DOCK11: variants seen among roughly 807,000 people sequenced by gnomAD.
DOCK11 encodes the protein dedicator of cytokinesis 11.
A neutral mutation model predicts 169.1 loss-of-function variants in DOCK11; 70 were observed. The observed-to-expected ratio is 0.41, with a 90% CI of 0.34 to 0.51. The LOEUF (loss-of-function observed/expected upper bound fraction) is 0.51. Ranked by LOEUF, DOCK11 falls within the 20% of genes least tolerant of loss-of-function variation. DOCK11 has a pLI of 0.10. For missense variants in DOCK11, 1,166 were observed against 1,538.8 expected, an observed-to-expected ratio of 0.76 and a Z score of 4.05; for synonymous variants, 529 against 541.3, an observed-to-expected ratio of 0.98 and a Z score of 0.32.
rs1030633826 is a variant in DOCK11 at position 118,595,113 on chromosome X, A to G, written c.2263+1776A>G. On this transcript the variant is annotated intron_variant, in intron 20 of 52. Coordinates refer to ENST00000276202, the MANE Select transcript of DOCK11 (RefSeq NM_144658.4). Reference sequence around the variant, plus strand: ...TAAACATTAGAGCAGTTTTTCAGGAAAACCAACCAGGCAGCAGTATAATGG... The same window carrying G: ...TAAACATTAGAGCAGTTTTTCAGGAGAACCAACCAGGCAGCAGTATAATGG... Among the ~76,000 whole-genome samples, 23 of 111,215 alleles carry G rather than the reference A, an allele frequency of 2.1e-4. No individual in the cohort carries two copies. In the Admixed American group the frequency reaches 2.1e-3, roughly 10 times the overall value.
chrX:118,515,422 G>A (rs993555639), intron 1 of DOCK11, among the ~76,000 whole-genome samples: 2 of 110,749 alleles, frequency 1.8e-5, no homozygotes, highest in East Asian at 2.9e-4. Context: ...TAGTAGAGAC[G>A]GGGTTTCTTC....
At chrX:118,539,199 T>A (rs2011869566) in intron 1 of DOCK11, among the ~76,000 whole-genome samples, 1 of 112,432 alleles carries the variant, frequency 8.9e-6, no homozygotes, top group Admixed American at 9.5e-5. Flanking sequence ...AAAGTGAAAC[T>A]TTGTTTTCTA....
intron 19 of DOCK11, among the ~76,000 whole-genome samples, chrX:118,592,807 T>C (rs1221816507): frequency 1.8e-5 from 2 of 112,635 alleles, no homozygotes; most frequent in Non-Finnish European, 3.8e-5. Context: ...AATTTTTTCA[T>C]GCAAAAGAGA....
At chrX:118,647,792 TTATAA>T (rs1319560708) in intron 40 of DOCK11, among the ~76,000 whole-genome samples, 3 of 27,853 alleles carry the variant, frequency 1.1e-4, no homozygotes, top group Non-Finnish European at 1.6e-4. Flanking sequence ...ATATAATATA[TTATAA>T]TATATAATAA....
At chrX:118,595,510 C>T (rs774961905) in intron 20 of DOCK11, among the ~76,000 whole-genome samples, 3 of 111,317 alleles carry the variant, frequency 2.7e-5, no homozygotes, top group Non-Finnish European at 5.7e-5. Flanking sequence ...TGTTCTTTAT[C>T]CCCATAGAAA....
At chrX:118,610,837 G>A (rs904445252) in intron 28 of DOCK11, among the ~76,000 whole-genome samples, 2 of 111,238 alleles carry the variant, frequency 1.8e-5, no homozygotes, top group African/African-American at 3.3e-5. Context: ...TCAGGAGTTC[G>A]AGACCAACCT....
At chrX:118,556,469 C>T (rs1228497296) in intron 6 of DOCK11, among the ~76,000 whole-genome samples, 1 of 108,852 alleles carries the variant, frequency 9.2e-6, no homozygotes, top group South Asian at 4.0e-4. Context: ...TGTCATCTGG[C>T]CAGGCACGGT....
intron 40 of DOCK11, among the ~76,000 whole-genome samples, chrX:118,648,229 AAT>A (rs752293918): frequency 1.2e-5 from 1 of 84,761 alleles, no homozygotes; most frequent in African/African-American, 4.4e-5. Flanking sequence ...ATAATAATAT[AAT>A]ATATATATAA....
At chrX:118,503,776 A>T (rs1294821) in intron 1 of DOCK11, among the ~76,000 whole-genome samples, 11,957 of 111,176 alleles carry the variant, frequency 0.11, 497 homozygotes, top group Non-Finnish European at 0.12. Context: ...ACAGAGATGA[A>T]ATTGTAGGCG....
chrX:118,589,180 T>C (rs955103632), intron 18 of DOCK11, among the ~76,000 whole-genome samples: 16 of 111,080 alleles, frequency 1.4e-4, no homozygotes, highest in African/African-American at 5.3e-4. Flanking sequence ...TGCCCCTGAC[T>C]AAGTAATTGA....
chrX:118,610,181 A>T, intron 27 of DOCK11, 91 bp from the exon 28 acceptor site: 1 of 912,089 alleles, frequency 1.1e-6, no homozygotes, highest in Non-Finnish European at 1.6e-6. Flanking sequence ...TTTAAGATAT[A>T]TTTATTTGTA....
Position 118,680,580 on chromosome X carries a change from G to T in DOCK11, c.5559G>T (p.Glu1853Asp). 4 of 1,210,792 alleles carry T rather than the reference G, an allele frequency of 3.3e-6. No individual in the cohort carries two copies. Among genetic ancestry groups the T allele is most frequent in the Non-Finnish European group, 4.5e-6 (4 of 894,725 alleles). ...AAGAACTCACAGAAAGGAAGACCGA[G>T]TTTGAAAGAAATCATAATATCAGCA... is the stretch of plus-strand genomic sequence containing the variant. ...DDKELTERKTEFERNHNISRF... is the reference protein window; with the variant it reads ...DDKELTERKTDFERNHNISRF... Residue 1853 changes from glutamate to aspartate, a missense_variant, in exon 49 of 53, where the codon GAG (glutamate) becomes GAT (aspartate). Coordinates refer to ENST00000276202, the MANE Select transcript of DOCK11 (RefSeq NM_144658.4).
chrX:118,546,449 C>T (rs2012286495), intron 6 of DOCK11, among the ~76,000 whole-genome samples: 1 of 111,421 alleles, frequency 9.0e-6, no homozygotes, highest in Non-Finnish European at 1.9e-5. Context: ...GACAAGTAAT[C>T]CATTTCTTTA....
chrX:118,535,980 A>C (rs758221153), intron 1 of DOCK11, among the ~76,000 whole-genome samples: 3 of 111,738 alleles, frequency 2.7e-5, no homozygotes, highest in Non-Finnish European at 5.6e-5. Flanking sequence ...TGGTCATAAC[A>C]AAGTCAAATA....
intron 23 of DOCK11, among the ~76,000 whole-genome samples, chrX:118,604,402 A>G (rs1569427629): frequency 9.0e-6 from 1 of 111,075 alleles, no homozygotes. Flanking sequence ...AAGTCAGGGA[A>G]TCTGGGAAAG....
At chrX:118,532,329 G>A (rs2011611609) in intron 1 of DOCK11, among the ~76,000 whole-genome samples, 1 of 111,317 alleles carries the variant, frequency 9.0e-6, no homozygotes, top group Non-Finnish European at 1.9e-5. Context: ...AGAGTATGCT[G>A]TAAGCTTAAT....
At chrX:118,523,123 T>C (rs1188858523) in intron 1 of DOCK11, among the ~76,000 whole-genome samples, 5 of 112,679 alleles carry the variant, frequency 4.4e-5, no homozygotes, top group Non-Finnish European at 5.6e-5. Flanking sequence ...GTTAGAAGCA[T>C]AATAGAGAAG....
chrX:118,571,771 G>T (rs1330829631), intron 10 of DOCK11, among the ~76,000 whole-genome samples: 2 of 111,904 alleles, frequency 1.8e-5, no homozygotes, highest in Non-Finnish European at 3.8e-5. Context: ...TGAGAGAAAG[G>T]GAGTATAGAC....
chrX:118,676,143 G>A, intron 47 of DOCK11, 94 bp downstream of exon 47: 1 of 562,623 alleles, frequency 1.8e-6, no homozygotes. Context: ...TCCAGATAGA[G>A]TGCCTATTAC....
Sources: allele counts gnomAD v4.1 joint callset (sites outside exome capture counted in the v4.1 genomes callset), GRCh38; gene constraint gnomAD v4.1.1; transcripts MANE v1.5; gene names NCBI Gene and HGNC (gene_info 2026-07-23, HGNC 2026-07-21).